The following LDLRAD3 variants were observed in gnomAD, a reference collection of about 807,000 sequenced individuals.
The protein encoded by LDLRAD3 is low-density lipoprotein receptor class A domain-containing protein 3.
A neutral mutation model predicts 29.4 loss-of-function variants in LDLRAD3; 20 were observed. The ratio of observed to expected loss-of-function variants is 0.68; its 90% CI spans 0.48 to 0.99. The LOEUF (loss-of-function observed/expected upper bound fraction) is 0.99, where lower values mean the gene tolerates loss of function less well. Among genes scored for constraint, LDLRAD3 ranks in the 50% least tolerant of loss-of-function variants. LDLRAD3 has a pLI of 0.00. For synonymous variants in LDLRAD3, 157 were observed against 192.7 expected, an observed-to-expected ratio of 0.81 and a Z score of 1.53; for missense variants, 420 against 454.3, an observed-to-expected ratio of 0.92 and a Z score of 0.69.
At chr11:35,970,865 T>C (rs1851403040) in intron 1 of LDLRAD3, among the ~76,000 whole-genome samples, 2 of 152,228 alleles carry the variant, frequency 1.3e-5, no homozygotes, top group Admixed American at 1.3e-4. Flanking sequence ...GATCTGCTTC[T>C]AATCCTGGAT....
intron 1 of LDLRAD3, among the ~76,000 whole-genome samples, chr11:36,004,146 C>G (rs1227842625): frequency 6.6e-6 from 1 of 152,186 alleles, no homozygotes; most frequent in Non-Finnish European, 1.5e-5. Flanking sequence ...TCAACAGTCC[C>G]CTAGTCTTAT....
At chr11:36,162,172 G>A (rs1026948179) in intron 4 of LDLRAD3, among the ~76,000 whole-genome samples, 18 of 152,200 alleles carry the variant, frequency 1.2e-4, no homozygotes, top group African/African-American at 4.3e-4. Context: ...GTATTTTTAA[G>A]CCACGGTGGG....
At chr11:35,969,829 G>A (rs1055464769) in intron 1 of LDLRAD3, among the ~76,000 whole-genome samples, 4 of 152,228 alleles carry the variant, frequency 2.6e-5, no homozygotes, top group African/African-American at 7.2e-5. Context: ...ACGTGCATGC[G>A]TGGAGTTTTT....
chr11:35,952,263 G>T (rs1025731819), intron 1 of LDLRAD3, among the ~76,000 whole-genome samples: 1 of 152,170 alleles, frequency 6.6e-6, no homozygotes, highest in Admixed American at 6.5e-5. Context: ...TGCTGCTTTG[G>T]TATAGAATAG....
Position 36,230,083 on chromosome 11 carries a change from C to T in LDLRAD3, c.*686C>T, listed in dbSNP as rs771039498. 6.6e-6 allele frequency: 1 copy of T among 152,258 alleles called. No homozygotes were observed. Among genetic ancestry groups the T allele is most frequent in the Admixed American group, 6.5e-5 (1 of 15,288 alleles). The allele number at this position is 152,258 out of a possible 1,614,324, so 9.4% of individuals were successfully genotyped here. A position where few individuals can be genotyped will look rare whatever the true frequency, so the allele number is the denominator to read the frequency against. ...GAATGCTCATTCTGAGAGCTTTCCT[C>T]AGCAGCATATATCATCAGCCTCATC... On this transcript the variant is annotated 3_prime_UTR_variant, in exon 6 of 6. Transcript: ENST00000315571.
intron 1 of LDLRAD3, among the ~76,000 whole-genome samples, chr11:35,998,209 T>C (rs1433005502): frequency 1.3e-5 from 2 of 152,238 alleles, no homozygotes; most frequent in Non-Finnish European, 2.9e-5. Context: ...TTTTTGGTAG[T>C]GCAAATTTCC....
chr11:35,972,439 A>T (rs1851425055), intron 1 of LDLRAD3: 1 of 152,106 alleles, frequency 6.6e-6, no homozygotes. Context: ...TTTGTTTTCA[A>T]ATTGGTAATA....
In LDLRAD3 at chr11:36,229,323, G is replaced by A; in HGVS notation, c.964G>A (p.Gly322Arg). Residue 322 changes from glycine (G) to arginine (R), a missense_variant, in exon 6 of 6, where the codon GGG (glycine) becomes AGG (arginine). By Grantham distance (125) the Gly-to-Arg change is moderately radical. Transcript: ENST00000315571. ...CGTGGAAGACACCAGCCACAGCCCGGGGCAGCCTGGCCCCCAGGAGGGCAC... is the reference window on the plus strand; with the variant it reads ...CGTGGAAGACACCAGCCACAGCCCGAGGCAGCCTGGCCCCCAGGAGGGCAC... ...LSVEDTSHSP[G>R]QPGPQEGTAE... 6.2e-7 allele frequency: 1 copy of A among 1,614,118 alleles called. No individual in the cohort carries two copies. The highest frequency in any genetic ancestry group is 8.5e-7 in the Non-Finnish European group (1 of 1,180,032).
chr11:35,962,904 TGAGTGAAGATATGGAA>T (rs1364056213), intron 1 of LDLRAD3, among the ~76,000 whole-genome samples: 4 of 152,280 alleles, frequency 2.6e-5, no homozygotes, highest in Admixed American at 2.6e-4. Flanking sequence ...AGTGGTGATC[TGAGTGAAGATATGGAA>T]ATAATGTGGT....
At chr11:36,064,910 C>T (rs924695385) in intron 2 of LDLRAD3, among the ~76,000 whole-genome samples, 16 of 152,004 alleles carry the variant, frequency 1.1e-4, no homozygotes, top group African/African-American at 3.9e-4. Context: ...TTCCTTTTAA[C>T]TGTATTGAGG....
At chr11:36,056,567 T>A (rs1852624263) in intron 2 of LDLRAD3, among the ~76,000 whole-genome samples, 2 of 152,172 alleles carry the variant, frequency 1.3e-5, no homozygotes. Context: ...ACGGCAGGTC[T>A]GTATGGAGGA....
intron 1 of LDLRAD3, among the ~76,000 whole-genome samples, chr11:35,955,449 C>T (rs1851189540): frequency 6.6e-6 from 1 of 152,052 alleles, no homozygotes; most frequent in Non-Finnish European, 1.5e-5. Flanking sequence ...AAATGTAAAG[C>T]AAAATGTTAC....
At chr11:36,040,036 A>G (rs1041171516) in intron 2 of LDLRAD3, among the ~76,000 whole-genome samples, 2 of 152,160 alleles carry the variant, frequency 1.3e-5, no homozygotes, top group Non-Finnish European at 2.9e-5. Flanking sequence ...TGAGCTACAA[A>G]GCCCTTTCTC....
At chr11:36,220,695 T>C (rs1189769168) in intron 4 of LDLRAD3, among the ~76,000 whole-genome samples, 8 of 152,136 alleles carry the variant, frequency 5.3e-5, no homozygotes, top group African/African-American at 1.7e-4. Context: ...GTGAATCTAT[T>C]TGGACAGAAA....
chr11:36,036,163 T>C lies in LDLRAD3; in HGVS notation c.107T>C (p.Met36Thr), dbSNP rs746287608. Residue 36 changes from methionine (M) to threonine (T), a missense_variant, in exon 2 of 6, where the codon ATG (methionine) becomes ACG (threonine). Physicochemically the swap from Met to Thr is moderately conservative, Grantham distance 81. Transcript: ENST00000315571. Reference protein sequence around the residue: ...TNECNIPGNFMCSNGRCIPGA... With the variant: ...TNECNIPGNFTCSNGRCIPGA... The stretch of plus-strand genomic sequence containing the variant: ...GAGTGCAACATACCAGGCAACTTCA[T>C]GTGCAGCAATGGACGGTGCATCCCG... 5 of 1,614,148 alleles carry C rather than the reference T, an allele frequency of 3.1e-6. No homozygotes were observed. Among genetic ancestry groups the C allele is most frequent in the South Asian group, 1.1e-5 (1 of 91,066 alleles).
chr11:36,181,508 G>C (rs528626128), intron 4 of LDLRAD3, among the ~76,000 whole-genome samples: 13 of 152,260 alleles, frequency 8.5e-5, no homozygotes, highest in African/African-American at 2.2e-4. Flanking sequence ...GAGGGCAGGG[G>C]CTCAAGCTTA....
At chr11:36,128,904 G>A (rs758895530) in intron 4 of LDLRAD3, among the ~76,000 whole-genome samples, 26 of 152,022 alleles carry the variant, frequency 1.7e-4, no homozygotes, top group Non-Finnish European at 3.4e-4. Flanking sequence ...CGGTGGAACA[G>A]TGATGGGCAG....
At chr11:36,069,744 C>T (rs967158603) in intron 2 of LDLRAD3, among the ~76,000 whole-genome samples, 1 of 152,082 alleles carries the variant, frequency 6.6e-6, no homozygotes, top group Non-Finnish European at 1.5e-5. Flanking sequence ...TGTTCTGCCT[C>T]CAGGCCTTTA....
At chr11:36,186,817 G>T (rs1489862925) in intron 4 of LDLRAD3, among the ~76,000 whole-genome samples, 2 of 152,196 alleles carry the variant, frequency 1.3e-5, no homozygotes, top group Non-Finnish European at 2.9e-5. Flanking sequence ...CCCCCTGTGG[G>T]TTACGTGGGC....
Sources: gnomAD v4.1 joint callset for allele counts (sites outside exome capture counted in the v4.1 genomes callset) on GRCh38, gnomAD v4.1.1 for gene constraint, MANE v1.5 for transcripts, NCBI Gene and HGNC (gene_info 2026-07-23, HGNC 2026-07-21) for gene names.